OXR1: variants seen among roughly 807,000 people sequenced by gnomAD.
OXR1 encodes oxidation resistance 1, also known as oxidation resistance protein 1.
OXR1 carries 41 observed loss-of-function variants against 104.6 expected under a neutral mutation model. The observed-to-expected ratio is 0.39, with a 90% CI of 0.31 to 0.51. The LOEUF (loss-of-function observed/expected upper bound fraction) is 0.51. Ranked by LOEUF, OXR1 falls within the 20% of genes least tolerant of loss-of-function variation. The pLI, the probability that OXR1 is intolerant of heterozygous loss-of-function variation, is 0.77. For synonymous variants in OXR1, 348 were observed against 348.4 expected (o/e 1.00, Z 0.01); for missense variants, 955 against 1,031.9 (o/e 0.93, Z 1.02).
chr8:106,732,545 G>T (rs1426572635), intron 11 of OXR1, among the ~76,000 whole-genome samples: 1 of 151,958 alleles, frequency 6.6e-6, no homozygotes, highest in Admixed American at 6.6e-5. Context: ...TCTTTATCCA[G>T]TTGAGGGAGT....
At chr8:106,742,054 TAA>T (rs367840086) in intron 14 of OXR1, among the ~76,000 whole-genome samples, 166 bp from the exon 15 acceptor site, 20 of 152,292 alleles carry the variant, frequency 1.3e-4, no homozygotes, top group African/African-American at 4.1e-4. Context: ...TATTTGACAA[TAA>T]TGTAAATTAT....
intron 3 of OXR1, among the ~76,000 whole-genome samples, chr8:106,599,431 T>C (rs992844457): frequency 6.6e-6 from 1 of 152,228 alleles, no homozygotes; most frequent in African/African-American, 2.4e-5. Context: ...TTCCTTCTAA[T>C]GTCTGACCTG....
chr8:106,705,372 C>G (rs1831043621), intron 8 of OXR1, among the ~76,000 whole-genome samples: 1 of 151,988 alleles, frequency 6.6e-6, no homozygotes, highest in South Asian at 2.1e-4. Flanking sequence ...TTTATCCATC[C>G]TAGTTATAGA....
intron 3 of OXR1, among the ~76,000 whole-genome samples, chr8:106,664,988 G>A (rs1428592534): frequency 6.6e-6 from 1 of 152,104 alleles, no homozygotes; most frequent in Admixed American, 6.5e-5. Context: ...AAAAACATTA[G>A]CAAACTTGTA....
intron 11 of OXR1, among the ~76,000 whole-genome samples, chr8:106,728,346 G>A (rs572732534): frequency 9.2e-5 from 14 of 151,832 alleles, no homozygotes; most frequent in Admixed American, 7.9e-4. Flanking sequence ...CAAATAATAT[G>A]GCCATATTAT....
chr8:106,288,454 C>T (rs2130025505), intron 1 of OXR1, among the ~76,000 whole-genome samples: 1 of 151,878 alleles, frequency 6.6e-6, no homozygotes, highest in South Asian at 2.1e-4. Context: ...GAATGTGGTT[C>T]TGACCAGAAT....
chr8:106,518,177 A>G (rs1271410788), intron 2 of OXR1, among the ~76,000 whole-genome samples: 2 of 152,218 alleles, frequency 1.3e-5, no homozygotes, highest in Non-Finnish European at 2.9e-5. Context: ...AATTGCCACC[A>G]TCTTGTTTAT....
intron 6 of OXR1, among the ~76,000 whole-genome samples, chr8:106,690,482 A>G (rs1829168880): frequency 6.6e-6 from 1 of 151,234 alleles, no homozygotes; most frequent in Non-Finnish European, 1.5e-5. Context: ...AATAGGACTT[A>G]GTGTTTGCGA....
In OXR1 at chr8:106,601,761, ATTAGGT is replaced by A; in HGVS notation, c.221-77447_221-77442del. 1.3e-5 allele frequency among the ~76,000 whole-genome samples: 2 copies of A among 152,314 alleles called. 1 individual carries two copies. The highest frequency in any genetic ancestry group is 4.1e-4 in the South Asian group (2 of 4,820). On this transcript the variant is annotated intron_variant, in intron 3 of 16. Coordinates refer to ENST00000517566, the MANE Select transcript of OXR1 (RefSeq NM_001198533.2). ...ATGAATAAGATTTATCATTATTTTGATTAGGTTACATTATGTAGCAAAGGTGAAAGG... is the reference window on the plus strand; with the variant it reads ...ATGAATAAGATTTATCATTATTTTGATACATTATGTAGCAAAGGTGAAAGG...
At chr8:106,563,739 G>A (rs1384105391) in intron 3 of OXR1, among the ~76,000 whole-genome samples, 2 of 152,148 alleles carry the variant, frequency 1.3e-5, no homozygotes, top group Admixed American at 6.5e-5. Context: ...GTAATTGGAA[G>A]TGAAACACTC....
At chr8:106,512,306 A>T (rs1457959865) in intron 2 of OXR1, among the ~76,000 whole-genome samples, 1 of 152,208 alleles carries the variant, frequency 6.6e-6, no homozygotes, top group Non-Finnish European at 1.5e-5. Flanking sequence ...ACAGTGGGAT[A>T]TATGGAAATG....
intron 3 of OXR1, chr8:106,617,996 A>G: frequency 6.8e-7 from 1 of 1,476,282 alleles, no homozygotes; most frequent in Non-Finnish European, 8.9e-7. Context: ...AAACCTCTGA[A>G]TCTTGCACAC....
At chr8:106,431,926 A>T (rs1276310182) in intron 2 of OXR1, among the ~76,000 whole-genome samples, 2 of 152,174 alleles carry the variant, frequency 1.3e-5, no homozygotes, top group African/African-American at 4.8e-5. Context: ...TTTTGTCTTA[A>T]AGAAATAAAA....
chr8:106,642,858 G>T (rs1213615845), intron 3 of OXR1, among the ~76,000 whole-genome samples: 2 of 152,192 alleles, frequency 1.3e-5, no homozygotes, highest in Non-Finnish European at 2.9e-5. Context: ...TGATCACTTG[G>T]AGTCTGTACC....
At chr8:106,654,271 G>C (rs1489214328) in intron 3 of OXR1, among the ~76,000 whole-genome samples, 1 of 151,952 alleles carries the variant, frequency 6.6e-6, no homozygotes, top group East Asian at 1.9e-4. Context: ...GAACAAAATG[G>C]GAAGACTCAC....
At chr8:106,657,709 G>A in intron 3 of OXR1, 2 of 474,334 alleles carry the variant, frequency 4.2e-6, no homozygotes, top group African/African-American at 2.0e-5. Context: ...ACACCTATGT[G>A]ACAAGCTAAG....
Position 106,403,022 on chromosome 8 carries a change from G to A in OXR1, c.23+43386G>A, listed in dbSNP as rs139853230. 7.9e-3 allele frequency among the ~76,000 whole-genome samples: 1,206 copies of A among 152,102 alleles called. 11 individuals carry two copies. Among genetic ancestry groups the A allele is most frequent in the African/African-American group, 0.024 (1,016 of 41,482 alleles). ...TTTTTAGTACAGACGGGGTTTCACC[G>A]TGTTAGCCAGGATGGTCTCGATCTC... is the stretch of plus-strand genomic sequence containing the variant. On this transcript the variant is annotated intron_variant, in intron 2 of 16. Transcript: ENST00000517566.
intron 3 of OXR1, among the ~76,000 whole-genome samples, chr8:106,600,976 T>G (rs1402533046): frequency 6.6e-6 from 1 of 152,154 alleles, no homozygotes; most frequent in African/African-American, 2.4e-5. Flanking sequence ...AATGTTCTAA[T>G]AAATTCTCTG....
intron 1 of OXR1, among the ~76,000 whole-genome samples, chr8:106,284,029 T>C (rs1812395012): frequency 6.6e-6 from 1 of 152,060 alleles, no homozygotes; most frequent in African/African-American, 2.4e-5. Flanking sequence ...AACATTTTTC[T>C]AACAAATGCT....
Sources: gnomAD v4.1 joint callset for allele counts (sites outside exome capture counted in the v4.1 genomes callset) on GRCh38, gnomAD v4.1.1 for gene constraint, MANE v1.5 for transcripts, NCBI Gene and HGNC (gene_info 2026-07-23, HGNC 2026-07-21) for gene names.